ROBO2: variants seen among roughly 807,000 people sequenced by gnomAD.
ROBO2 encodes roundabout guidance receptor 2, also known as roundabout homolog 2.
A neutral mutation model predicts 160.8 loss-of-function variants in ROBO2; 53 were observed. That is an observed-to-expected ratio of 0.33 (90% CI 0.26 to 0.41). ROBO2 has a LOEUF of 0.41. ROBO2 is among the 10% of genes least tolerant of loss of function. The pLI, the probability that ROBO2 is intolerant of heterozygous loss-of-function variation, is 1.00. For synonymous variants in ROBO2, 664 were observed against 611.7 expected (o/e 1.09, Z -1.26); for missense variants, 1,577 against 1,722.4 (o/e 0.92, Z 1.49).
At chr3:77,095,294 C>A (rs999425234) in intron 1 of ROBO2, among the ~76,000 whole-genome samples, 2 of 152,018 alleles carry the variant, frequency 1.3e-5, no homozygotes, top group Admixed American at 6.6e-5. Flanking sequence ...GAGTAAAATT[C>A]TTCGTGTGCT....
intron 2 of ROBO2, among the ~76,000 whole-genome samples, chr3:76,167,418 C>T (rs1457520554): frequency 6.6e-6 from 1 of 152,192 alleles, no homozygotes; most frequent in Non-Finnish European, 1.5e-5. Flanking sequence ...TCTGTTAAGC[C>T]TTCCCTTGAC....
intron 2 of ROBO2, among the ~76,000 whole-genome samples, chr3:77,337,962 G>A (rs941334616): frequency 1.1e-4 from 16 of 152,176 alleles, no homozygotes; most frequent in South Asian, 1.0e-3. Flanking sequence ...TAATCTGTAC[G>A]TATTGGTTGA....
intron 2 of ROBO2, among the ~76,000 whole-genome samples, chr3:77,009,915 C>T (rs937163971): frequency 2.2e-5 from 3 of 135,376 alleles, no homozygotes; most frequent in Admixed American, 8.3e-5. Context: ...CACTGCACTC[C>T]AGCCTGAGTG....
At chr3:77,601,311 C>T (rs900241662) in intron 19 of ROBO2, among the ~76,000 whole-genome samples, 13 of 152,186 alleles carry the variant, frequency 8.5e-5, no homozygotes, top group South Asian at 6.2e-4. Context: ...TTCATTTTAA[C>T]GCTACAGGAT....
At chr3:76,230,766 T>C (rs1310194297) in intron 2 of ROBO2, among the ~76,000 whole-genome samples, 1 of 152,234 alleles carries the variant, frequency 6.6e-6, no homozygotes, top group Admixed American at 6.5e-5. Context: ...TCTTAACCTC[T>C]AATACCTGTG....
chr3:76,318,165 T>C (rs908358355), intron 2 of ROBO2, among the ~76,000 whole-genome samples: 1 of 152,028 alleles, frequency 6.6e-6, no homozygotes, highest in South Asian at 2.1e-4. Context: ...ATTAGAAAAG[T>C]AGGTATATTA....
In ROBO2 at chr3:77,403,112, A is replaced by G. The variant is rs145513612; in HGVS notation, c.389-74302A>G. Among the ~76,000 whole-genome samples, 183 of 152,354 alleles carry G rather than the reference A, an allele frequency of 1.2e-3. 2 individuals carry two copies. The highest frequency in any genetic ancestry group is 4.0e-3 in the African/African-American group (165 of 41,588). ...AATTAATTAGTTAATTATAACTGAC[A>G]AAATTATGTATTTGTGGTGTACCAC... On this transcript the variant is annotated intron_variant, in intron 2 of 25. Coordinates refer to ENST00000461745, the Ensembl canonical transcript of ROBO2.
chr3:76,287,250 A>G (rs908880951), intron 2 of ROBO2, among the ~76,000 whole-genome samples: 1 of 151,692 alleles, frequency 6.6e-6, no homozygotes, highest in African/African-American at 2.4e-5. Flanking sequence ...TAGAGAACTC[A>G]TAAGACACAT....
At chr3:76,375,266 G>T (rs1251777075) in intron 2 of ROBO2, among the ~76,000 whole-genome samples, 1 of 151,796 alleles carries the variant, frequency 6.6e-6, no homozygotes, top group Non-Finnish European at 1.5e-5. Flanking sequence ...ATAATGTTTG[G>T]GTAGTTTTTG....
intron 2 of ROBO2, among the ~76,000 whole-genome samples, chr3:76,851,141 G>C (rs2069303050): frequency 6.6e-6 from 1 of 152,052 alleles, no homozygotes; most frequent in Non-Finnish European, 1.5e-5. Flanking sequence ...TAAATATCTG[G>C]TCTGCATACA....
intron 2 of ROBO2, among the ~76,000 whole-genome samples, chr3:76,097,662 G>A (rs553485480): frequency 2.6e-5 from 4 of 152,246 alleles, no homozygotes; most frequent in African/African-American, 9.6e-5. Context: ...ATCTCACTGA[G>A]ATGGGGACAT....
intron 2 of ROBO2, among the ~76,000 whole-genome samples, chr3:75,992,888 G>T (rs955516623): frequency 4.6e-5 from 7 of 152,220 alleles, no homozygotes; most frequent in Non-Finnish European, 1.0e-4. Context: ...AGTTTTAACT[G>T]CCCTGCTGGA....
At chr3:77,298,020 G>C (rs1413653116) in intron 2 of ROBO2, among the ~76,000 whole-genome samples, 1 of 152,098 alleles carries the variant, frequency 6.6e-6, no homozygotes, top group Admixed American at 6.6e-5. Context: ...TAAGCGGGTA[G>C]GGCATTGTGC....
intron 2 of ROBO2, among the ~76,000 whole-genome samples, chr3:76,371,204 GA>G (rs1319185820): frequency 2.6e-5 from 4 of 151,950 alleles, no homozygotes; most frequent in African/African-American, 7.2e-5. Flanking sequence ...AGTGCAAGAA[GA>G]AGTTTGCTTC....
At chr3:77,026,603 G>A (rs755821165) in intron 2 of ROBO2, among the ~76,000 whole-genome samples, 5 of 152,196 alleles carry the variant, frequency 3.3e-5, no homozygotes, top group African/African-American at 4.8e-5. Context: ...GATACGAGAG[G>A]TGAAATCCTT....
intron 2 of ROBO2, among the ~76,000 whole-genome samples, chr3:76,628,370 C>G (rs1255803801): frequency 6.6e-6 from 1 of 151,862 alleles, no homozygotes; most frequent in African/African-American, 2.4e-5. Context: ...GCTCAAGTGA[C>G]CCTCACACTA....
chr3:77,323,937 A>G (rs2065085024), intron 2 of ROBO2, among the ~76,000 whole-genome samples: 1 of 152,182 alleles, frequency 6.6e-6, no homozygotes, highest in Admixed American at 6.5e-5. Context: ...GTCAATTTTT[A>G]TAACCATGTG....
intron 2 of ROBO2, among the ~76,000 whole-genome samples, chr3:76,152,998 G>T: frequency 6.6e-6 from 1 of 151,956 alleles, no homozygotes; most frequent in Non-Finnish European, 1.5e-5. Context: ...TCAGTCTTTG[G>T]CCAGTGATGA....
chr3:77,169,313 A>G (rs1226641399), intron 2 of ROBO2, among the ~76,000 whole-genome samples: 1 of 152,200 alleles, frequency 6.6e-6, no homozygotes, highest in South Asian at 2.1e-4. Context: ...TTAGATACCT[A>G]TGATTAAAAT....
Sources: allele counts gnomAD v4.1 joint callset (sites outside exome capture counted in the v4.1 genomes callset), GRCh38; gene constraint gnomAD v4.1.1; transcripts MANE v1.5; gene names NCBI Gene and HGNC (gene_info 2026-07-23, HGNC 2026-07-21).